CPXM1: variants seen among roughly 807,000 people sequenced by gnomAD.
CPXM1 encodes the protein carboxypeptidase X, M14 family member 1.
A neutral mutation model predicts 80.4 loss-of-function variants in CPXM1; 72 were observed. The ratio of observed to expected loss-of-function variants is 0.90; its 90% CI spans 0.74 to 1.09. CPXM1 has a LOEUF of 1.09. CPXM1 is among the 50% of genes least tolerant of loss of function. The pLI, the probability that CPXM1 is intolerant of heterozygous loss-of-function variation, is 0.00. For synonymous variants in CPXM1, 403 were observed against 405.6 expected, an observed-to-expected ratio of 0.99 and a Z score of 0.08; for missense variants, 892 against 999.4, an observed-to-expected ratio of 0.89 and a Z score of 1.45.
rs1375386201 is a variant in CPXM1 at position 2,796,326 on chromosome 20, A to C, written c.1163T>G (p.Val388Gly). Residue 388 changes from valine (V) to glycine (G), a missense_variant, in exon 9 of 14, where the codon GTG (valine) becomes GGG (glycine). By Grantham distance (109) the Val-to-Gly change is moderately radical. Around this residue, in one of 2 missense-constraint regions of CPXM1, gnomAD observed 874 missense variants for 958.4 expected, o/e 0.91. Coordinates refer to ENST00000380605, the MANE Select transcript of CPXM1 (RefSeq NM_019609.5). The surrounding 1 kb of genome is among the most constrained non-coding windows in gnomAD (Gnocchi z 6.8). ...CHEFLRGNPR[V>G]TRLLSEMRIH... ...GCGCATCTCAGAGAGCAGCCGGGTCACCCGTGGGTTCCCTCGCAGGAACTC... is the reference window on the plus strand; with the variant it reads ...GCGCATCTCAGAGAGCAGCCGGGTCCCCCGTGGGTTCCCTCGCAGGAACTC... 1 of 1,613,970 alleles carries C rather than the reference A, an allele frequency of 6.2e-7. No individual in the cohort carries two copies. The highest frequency in any genetic ancestry group is 8.5e-7 in the Non-Finnish European group (1 of 1,179,982).
In CPXM1 at chr20:2,796,074, G is replaced by C; in HGVS notation, c.1330C>G (p.Leu444Val). ...TTCCCATCGTCCTGTGCTTCCCACA[G>C]TGGTGTGTTGAGGTCAGCAAAATTA... ...NHNFADLNTP[L>V]WEAQDDGKVP... The change falls in exon 10 of 14, where the codon CTG becomes GTG. Residue 444 changes from leucine to valine, a missense_variant. Around this residue, in one of 2 missense-constraint regions of CPXM1, gnomAD observed 874 missense variants for 958.4 expected, o/e 0.91. Transcript: ENST00000380605. This position sits in a 1 kb window ranked among gnomAD's most constrained non-coding sequence, Gnocchi z 6.8. 6.2e-7 allele frequency: 1 copy of C among 1,614,140 alleles called. No individual in the cohort carries two copies. Among genetic ancestry groups the C allele is most frequent in the Non-Finnish European group, 8.5e-7 (1 of 1,180,004 alleles).
At chr20:2,799,564 G>A (rs2088545882) in intron 1 of CPXM1, among the ~76,000 whole-genome samples, 1 of 152,022 alleles carries the variant, frequency 6.6e-6, no homozygotes, top group Non-Finnish European at 1.5e-5. Flanking sequence ...TTCCGCATCT[G>A]GTGCCCCTGT....
rs777527244 is a variant in CPXM1, at chr20:2,797,004, A to G, written c.921+2T>C. The G allele has an allele frequency of 2.5e-6, 4 of 1,613,638 alleles. No individual in the cohort carries two copies. Among genetic ancestry groups the G allele is most frequent in the Non-Finnish European group, 2.5e-6 (3 of 1,179,740 alleles). Reference sequence around the variant, plus strand: ...TCCCAGGTCATAGGGGTTATATCTGACCTTCCTCATGGCCTTGTAATTGTG... The same window carrying G: ...TCCCAGGTCATAGGGGTTATATCTGGCCTTCCTCATGGCCTTGTAATTGTG... On this transcript the variant is annotated splice_donor_variant, in intron 7 of 13. Transcript: ENST00000380605. LOFTEE classifies it high-confidence loss of function.
At position 2,796,955 on chromosome 20, in the gene CPXM1, G is replaced by A. The variant is rs781591778; in HGVS notation, c.921+51C>T. The A allele has an allele frequency of 1.3e-6, 2 of 1,535,736 alleles. No homozygotes were observed. The highest frequency in any genetic ancestry group is 1.8e-6 in the Non-Finnish European group (2 of 1,111,020). On this transcript the variant is annotated intron_variant, in intron 7 of 13. Transcript: ENST00000380605. This position sits in a 1 kb window ranked among gnomAD's most constrained non-coding sequence, Gnocchi z 6.8. ...TGCCCCGGTGGGAAGGTGGGAAGGG[G>A]ACCTGAGATGGGTGGGCCCTCCTTC...
chr20:2,798,324 T>G (rs546888181), intron 3 of CPXM1, 33 bp from the exon 4 acceptor site: 6 of 1,611,622 alleles, frequency 3.7e-6, no homozygotes, highest in African/African-American at 2.7e-5. Context: ...TCAGGCCCAG[T>G]TGGACAGAGT....
intron 3 of CPXM1, 40 bp downstream of exon 3, chr20:2,798,388 C>T: frequency 6.2e-7 from 1 of 1,603,400 alleles, no homozygotes; most frequent in South Asian, 1.1e-5. Flanking sequence ...GGGCTGCCTT[C>T]CCTACCCTGA....
In CPXM1 at chr20:2,800,506, TG is replaced by T; in HGVS notation, c.66del (p.Arg23GlyfsTer54). The stretch of plus-strand genomic sequence containing the variant: ...TGCGCGAGGCCCAGCACCGAGTTCC[TG>T]GGCGCCCCCAGAGCCGGGCCGACGG... Reference protein sequence around the residue: ...APAVGPALGAPRNSVLGLAQP... With the variant: ...APAVGPALGAXRNSVLGLAQP... On this transcript the variant is annotated frameshift_variant, in exon 1 of 14. Coordinates refer to ENST00000380605, the MANE Select transcript of CPXM1 (RefSeq NM_019609.5). LOFTEE classifies it high-confidence loss of function. The T allele has an allele frequency of 7.3e-7, 1 of 1,379,286 alleles. No homozygotes were observed. The allele number at this position is 1,379,286 out of a possible 1,614,324, so 85.4% of individuals were successfully genotyped here.
chr20:2,794,227 C>A lies in CPXM1; in HGVS notation c.2168G>T (p.Arg723Leu). The A allele has an allele frequency of 2.5e-6, 4 of 1,613,698 alleles. No homozygotes were observed. The highest frequency in any genetic ancestry group is 2.2e-5 in the South Asian group (2 of 91,032). The change falls in exon 14 of 14, where the codon CGC (arginine) becomes CTC (leucine). Residue 723 changes from arginine to leucine, a missense_variant. By Grantham distance (102) the Arg-to-Leu change is moderately radical. Transcript: ENST00000380605. This position sits in a 1 kb window ranked among gnomAD's most constrained non-coding sequence, Gnocchi z 5.2. The stretch of plus-strand genomic sequence containing the variant: ...TCCCCTTAGCCGCTCCAGGCGCCTG[C>A]GAAGGTCCGGGGGCACCTTGGCCCC... ...AAGAKVPPDL[R>L]RRLERLRGQK...
At chr20:2,800,312 G>T in intron 1 of CPXM1, 89 bp downstream of exon 1, 1 of 1,211,240 alleles carries the variant, frequency 8.3e-7, no homozygotes, top group Non-Finnish European at 1.1e-6. Flanking sequence ...GTGTGCGTGT[G>T]CCCGCGTGTT....
At position 2,797,219 on chromosome 20, in the gene CPXM1, C is replaced by T; in HGVS notation, c.805G>A (p.Ala269Thr). The T allele has an allele frequency of 1.3e-6, 2 of 1,581,544 alleles. No individual in the cohort carries two copies. The highest frequency in any genetic ancestry group is 1.7e-6 in the Non-Finnish European group (2 of 1,160,464). The stretch of plus-strand genomic sequence containing the variant: ...GAGACTGGGCAGGCCAGGATCTCTG[C>T]CCGGAGGCAAGGCGCGCCTCCCTGG... ...WLQGGAPCLR[A>T]EILACPVSDP... Residue 269 changes from alanine (A) to threonine (T), a missense_variant, in exon 6 of 14, where the codon GCA becomes ACA. Physicochemically the swap from Ala to Thr is moderately conservative, Grantham distance 58. Transcript: ENST00000380605.
At position 2,797,306 on chromosome 20, in the gene CPXM1, GC is replaced by G. The variant is rs1568601909; in HGVS notation, c.717del (p.Leu240Ter). On this transcript the variant is annotated frameshift_variant, in exon 6 of 14. Coordinates refer to ENST00000380605, the MANE Select transcript of CPXM1 (RefSeq NM_019609.5). LOFTEE classifies it high-confidence loss of function. The part of the protein sequence containing the change: ...FPANSDPETP[V>X]LNLLPEPQVA... ...ACCTGGGGCTCCGGCAGGAGGTTCA[GC>G]ACTGGAGTTTCTGGGTCTGAATTGG... is the stretch of plus-strand genomic sequence containing the variant. 1 of 1,549,492 alleles carries G rather than the reference GC, an allele frequency of 6.5e-7. No homozygotes were observed. The highest frequency in any genetic ancestry group is 1.9e-5 in the Admixed American group (1 of 51,900).
At position 2,794,569 on chromosome 20, in the gene CPXM1, G is replaced by A. The variant is rs1184303243; in HGVS notation, c.1931C>T (p.Ala644Val). Residue 644 changes from alanine (A) to valine (V), a missense_variant, in exon 13 of 14, where the codon GCC (alanine) becomes GTC (valine). Ala to Val is a moderately conservative substitution (Grantham distance 64). This residue lies in a region of CPXM1 where 874 missense variants were observed against 958.4 expected (regional missense o/e 0.91). Coordinates refer to ENST00000380605, the MANE Select transcript of CPXM1 (RefSeq NM_019609.5). This position sits in a 1 kb window ranked among gnomAD's most constrained non-coding sequence, Gnocchi z 5.2. ...CACGTCATGGTTAATCCCATCCACG[G>A]CAATGACAGCGTCAGCAATCCCAAG... ...TELGIADAVI[A>V]VDGINHDVTT... 2 of 1,613,758 alleles carry A rather than the reference G, an allele frequency of 1.2e-6. No individual in the cohort carries two copies. Among genetic ancestry groups the A allele is most frequent in the African/African-American group, 1.3e-5 (1 of 74,902 alleles).
In CPXM1 at chr20:2,798,895, T is replaced by C. The variant is rs746221156; in HGVS notation, c.173-2A>G. 3 of 1,613,020 alleles carry C rather than the reference T, an allele frequency of 1.9e-6. No individual in the cohort carries two copies. Among genetic ancestry groups the C allele is most frequent in the South Asian group, 1.1e-5 (1 of 90,900 alleles). The stretch of plus-strand genomic sequence containing the variant: ...TCCGGACATGCTGTTCTGAGGTCCC[T>C]TGGGGTCCGAGAGGCACAGCATGGG... On this transcript the variant is annotated splice_acceptor_variant, in intron 1 of 13. Transcript: ENST00000380605. LOFTEE classifies it high-confidence loss of function.
Position 2,797,247 on chromosome 20 carries a change from C to T in CPXM1, c.777G>A (p.Trp259Ter), listed in dbSNP as rs1395809186. ...ARFIRLLPQTWLQGGAPCLRA... is the reference protein window; with the variant it reads ...ARFIRLLPQT ...GGAGGCAAGGCGCGCCTCCCTGGAGCCAGGTCTGGGGCAGCAGGCGAATGA... is the reference window on the plus strand; with the variant it reads ...GGAGGCAAGGCGCGCCTCCCTGGAGTCAGGTCTGGGGCAGCAGGCGAATGA... Residue 259 changes from tryptophan to a stop codon, truncating the protein, a stop_gained, in exon 6 of 14, where the codon TGG (tryptophan) becomes TGA (stop). Transcript: ENST00000380605. LOFTEE classifies it high-confidence loss of function. 1.0e-5 allele frequency: 16 copies of T among 1,570,700 alleles called. No homozygotes were observed. Among genetic ancestry groups the T allele is most frequent in the Non-Finnish European group, 1.4e-5 (16 of 1,155,034 alleles).
At position 2,798,285 on chromosome 20, in the gene CPXM1, G is replaced by C; in HGVS notation, c.457C>G (p.Leu153Val). 6.2e-7 allele frequency: 1 copy of C among 1,613,880 alleles called. No homozygotes were observed. The highest frequency in any genetic ancestry group is 8.5e-7 in the Non-Finnish European group (1 of 1,179,978). ...HRGRLNIQSG[L>V]EDGDLYDGAW... ...CCATCATATAGATCGCCGTCCTCCA[G>C]GCCTGACTGCAGACACAGGACATGG... is the stretch of plus-strand genomic sequence containing the variant. The change falls in exon 4 of 14, where the codon CTG becomes GTG. Residue 153 changes from leucine to valine, a missense_variant. By Grantham distance (32) the Leu-to-Val change is conservative. This residue lies in a region of CPXM1 where 874 missense variants were observed against 958.4 expected (regional missense o/e 0.91). Transcript: ENST00000380605.
rs1191513308 is a variant in CPXM1, at chr20:2,795,636, G to T, written c.1683C>A (p.Asn561Lys). Residue 561 changes from asparagine (N) to lysine (K), a missense_variant, in exon 11 of 14, where the codon AAC becomes AAA. This residue lies in a region of CPXM1 where 874 missense variants were observed against 958.4 expected (regional missense o/e 0.91). Coordinates refer to ENST00000380605, the MANE Select transcript of CPXM1 (RefSeq NM_019609.5). The surrounding 1 kb of genome is among the most constrained non-coding windows in gnomAD (Gnocchi z 5.4). ...CHSQDFSVHGNIINGADWHTV... is the reference protein window; with the variant it reads ...CHSQDFSVHGKIINGADWHTV... Reference sequence around the variant, plus strand: ...TGTGCCAGTCAGCCCCGTTGATGATGTTGCCGTGCACGGAGAAGTCCTGGC... The same window carrying T: ...TGTGCCAGTCAGCCCCGTTGATGATTTTGCCGTGCACGGAGAAGTCCTGGC... 1 of 1,613,958 alleles carries T rather than the reference G, an allele frequency of 6.2e-7. No individual in the cohort carries two copies. Among genetic ancestry groups the T allele is most frequent in the Non-Finnish European group, 8.5e-7 (1 of 1,179,982 alleles).
In CPXM1 at chr20:2,795,060, G is replaced by C. The variant is rs556502198; in HGVS notation, c.1860+217C>G. 6.6e-6 allele frequency among the ~76,000 whole-genome samples: 1 copy of C among 152,064 alleles called. No individual in the cohort carries two copies. The highest frequency in any genetic ancestry group is 2.4e-5 in the African/African-American group (1 of 41,396). On this transcript the variant is annotated intron_variant, in intron 12 of 13. Transcript: ENST00000380605. The surrounding 1 kb of genome is among the most constrained non-coding windows in gnomAD (Gnocchi z 5.4). ...GGACCACCACCTAGACTGCAATGGA[G>C]GCTCCTCCCACCGGCTCTAACACGA... is the stretch of plus-strand genomic sequence containing the variant.
In CPXM1 at chr20:2,794,882, T is replaced by C. The variant is rs1483966109; in HGVS notation, c.1861-243A>G. ...CTATCCTTGGGCTTTCCCAGGTTAT[T>C]GGGCTTGTCTTTGGTAGACCCTTTG... On this transcript the variant is annotated intron_variant, in intron 12 of 13. Transcript: ENST00000380605. This position sits in a 1 kb window ranked among gnomAD's most constrained non-coding sequence, Gnocchi z 5.2. 6.6e-6 allele frequency among the ~76,000 whole-genome samples: 1 copy of C among 152,230 alleles called. No homozygotes were observed. The highest frequency in any genetic ancestry group is 2.4e-5 in the African/African-American group (1 of 41,466).
rs775880735 is a variant in CPXM1, at chr20:2,798,237, C to T, written c.505G>A (p.Asp169Asn). ...YDGAWCAEEQ[D>N]ADPWFQVDAG... is the part of the protein sequence containing the mutation. The stretch of plus-strand genomic sequence containing the variant: ...TCCACCTGAAACCATGGATCGGCGT[C>T]CTGCTCCTCAGCACACCAGGCTCCA... Residue 169 changes from aspartate to asparagine, a missense_variant, in exon 4 of 14, where the codon GAC becomes AAC. Transcript: ENST00000380605. The T allele has an allele frequency of 6.2e-7, 1 of 1,613,904 alleles. No homozygotes were observed. The highest frequency in any genetic ancestry group is 1.3e-5 in the African/African-American group (1 of 74,930).
Sources: gnomAD v4.1 joint callset for allele counts (sites outside exome capture counted in the v4.1 genomes callset) on GRCh38, gnomAD v4.1.1 for gene constraint, gnomAD v4.1.1 regional missense constraint, Gnocchi (gnomAD v3.1) non-coding constraint, MANE v1.5 for transcripts, NCBI Gene and HGNC (gene_info 2026-07-23, HGNC 2026-07-21) for gene names.